Variants in ALK observed in about 807,000 individuals in gnomAD.
The protein encoded by ALK is ALK tyrosine kinase receptor.
ALK carries 74 observed loss-of-function variants against 163.1 expected under a neutral mutation model. That is an observed-to-expected ratio of 0.45 (90% CI 0.38 to 0.55). ALK has a LOEUF of 0.55. Ranked by LOEUF, ALK falls within the 20% of genes least tolerant of loss-of-function variation. The pLI is 0.00. For missense variants in ALK, 2,063 were observed against 2,105.3 expected, an observed-to-expected ratio of 0.98 and a Z score of 0.39; for synonymous variants, 960 against 843.2, an observed-to-expected ratio of 1.14 and a Z score of -2.40.
At chr2:29,216,158 A>AT (rs1166291128) in intron 23 of ALK, among the ~76,000 whole-genome samples, 6 of 152,110 alleles carry the variant, frequency 3.9e-5, no homozygotes, top group South Asian at 2.1e-4. Context: ...TGGAATCAGG[A>AT]TTTTATCCCC....
chr2:29,456,548 A>G (rs565536507), intron 4 of ALK, among the ~76,000 whole-genome samples: 28 of 152,302 alleles, frequency 1.8e-4, no homozygotes, highest in African/African-American at 6.7e-4. Flanking sequence ...GCTGGTTGCC[A>G]GGGGCTAGAG....
intron 13 of ALK, among the ~76,000 whole-genome samples, chr2:29,234,003 G>T (rs866549312): frequency 2.0e-4 from 31 of 151,918 alleles, no homozygotes; most frequent in African/African-American, 7.0e-4. Flanking sequence ...GTTTTTTTTT[G>T]TTTGTTTTTG....
At chr2:29,699,825 T>G (rs1415984646) in intron 2 of ALK, among the ~76,000 whole-genome samples, 1 of 152,212 alleles carries the variant, frequency 6.6e-6, no homozygotes, top group Non-Finnish European at 1.5e-5. Flanking sequence ...ATTTCCATCA[T>G]GGAAGAAAGG....
intron 1 of ALK, among the ~76,000 whole-genome samples, chr2:29,802,777 C>CT (rs376874161): frequency 0.39 from 54,220 of 140,124 alleles, 11,105 homozygotes; most frequent in Middle Eastern, 0.49. Context: ...GACTGGAACT[C>CT]TTTTTTTTTT....
chr2:29,469,241 T>A (rs67403863), intron 4 of ALK, among the ~76,000 whole-genome samples: 27,508 of 152,138 alleles, frequency 0.18, 2,691 homozygotes, highest in East Asian at 0.36. Context: ...TCCACATCTG[T>A]GGACATGTTG....
intron 5 of ALK, among the ~76,000 whole-genome samples, chr2:29,372,357 T>C (rs1182901875): frequency 6.6e-6 from 1 of 152,190 alleles, no homozygotes; most frequent in Non-Finnish European, 1.5e-5. Context: ...GGGATGCCAT[T>C]TCACTTCACC....
At chr2:29,885,709 G>A (rs1343169868) in intron 1 of ALK, among the ~76,000 whole-genome samples, 1 of 152,080 alleles carries the variant, frequency 6.6e-6, no homozygotes, top group Non-Finnish European at 1.5e-5. Context: ...ATGATGAGGA[G>A]GAAGACACAG....
At chr2:29,511,180 T>C (rs1454661919) in intron 4 of ALK, among the ~76,000 whole-genome samples, 2 of 152,178 alleles carry the variant, frequency 1.3e-5, no homozygotes, top group African/African-American at 4.8e-5. Context: ...TGATGAGTTT[T>C]AATAGTTGTT....
intron 1 of ALK, among the ~76,000 whole-genome samples, chr2:29,737,921 T>C (rs1449383206): frequency 1.3e-5 from 2 of 151,954 alleles, no homozygotes; most frequent in African/African-American, 4.8e-5. Flanking sequence ...ATCATGAGGA[T>C]AGCTGAGCCA....
chr2:29,398,686 G>A (rs140814082), intron 4 of ALK, among the ~76,000 whole-genome samples: 1 of 151,936 alleles, frequency 6.6e-6, no homozygotes, highest in East Asian at 1.9e-4. Context: ...AGGAGAGCAG[G>A]ACCCCCCTCC....
intron 8 of ALK, among the ~76,000 whole-genome samples, chr2:29,304,458 G>A (rs553134375): frequency 7.0e-6 from 1 of 143,286 alleles, no homozygotes; most frequent in East Asian, 2.1e-4. Flanking sequence ...TGGTGCCACT[G>A]CACTCCAGCC....
chr2:29,699,462 T>C (rs59821848), intron 2 of ALK, among the ~76,000 whole-genome samples: 19,795 of 152,208 alleles, frequency 0.13, 2,838 homozygotes, highest in African/African-American at 0.36. Flanking sequence ...GAATATCCAG[T>C]GTTGTTCATC....
intron 5 of ALK, among the ~76,000 whole-genome samples, chr2:29,330,570 C>T (rs530932817): frequency 1.3e-5 from 2 of 152,310 alleles, no homozygotes; most frequent in South Asian, 2.1e-4. Context: ...CTTCAGTAGG[C>T]GGAATAGCAG....
chr2:29,199,495 C>T (rs1669106051), intron 26 of ALK, among the ~76,000 whole-genome samples: 1 of 152,024 alleles, frequency 6.6e-6, no homozygotes, highest in Non-Finnish European at 1.5e-5. Flanking sequence ...AATTGATTTG[C>T]TTTTCAAATA....
intron 1 of ALK, among the ~76,000 whole-genome samples, chr2:29,727,365 T>C (rs1351330984): frequency 6.6e-6 from 1 of 152,148 alleles, no homozygotes; most frequent in Admixed American, 6.5e-5. Flanking sequence ...AAGCCCCAGC[T>C]CCAGATGCCA....
intron 1 of ALK, among the ~76,000 whole-genome samples, chr2:29,818,521 T>C (rs1664958770): frequency 6.6e-6 from 1 of 152,264 alleles, no homozygotes; most frequent in Admixed American, 6.5e-5. Flanking sequence ...GCGCAGGTTT[T>C]CCACGCTGGC....
At chr2:29,613,023 CA>C (rs1184894040) in intron 3 of ALK, among the ~76,000 whole-genome samples, 4 of 152,138 alleles carry the variant, frequency 2.6e-5, no homozygotes, top group Non-Finnish European at 5.9e-5. Context: ...AGTACAAAAG[CA>C]AAGGCACAAT....
At chr2:29,626,966 G>A (rs1002073044) in intron 3 of ALK, among the ~76,000 whole-genome samples, 5 of 152,096 alleles carry the variant, frequency 3.3e-5, no homozygotes, top group South Asian at 2.1e-4. Flanking sequence ...CCCTAAAGCC[G>A]GGGCTCCTCC....
At chr2:29,537,602 G>A (rs964732000) in intron 3 of ALK, among the ~76,000 whole-genome samples, 1 of 152,226 alleles carries the variant, frequency 6.6e-6, no homozygotes, top group African/African-American at 2.4e-5. Context: ...GGGAAAATGC[G>A]GGGTTGGAGC....
Sources: allele counts gnomAD v4.1 joint callset (sites outside exome capture counted in the v4.1 genomes callset), GRCh38; gene constraint gnomAD v4.1.1; transcripts MANE v1.5; gene names NCBI Gene and HGNC (gene_info 2026-07-23, HGNC 2026-07-21).